Variants in SSBP2 observed in about 807,000 individuals in gnomAD.
The protein encoded by SSBP2 is single-stranded DNA-binding protein 2.
In SSBP2, 17 loss-of-function variants were observed where a neutral mutation model predicts 61.8. The ratio of observed to expected loss-of-function variants is 0.28; its 90% CI spans 0.19 to 0.41. SSBP2 has a LOEUF of 0.41. SSBP2 is among the 10% of genes least tolerant of loss of function. The pLI is 1.00. For synonymous variants in SSBP2, 139 were observed against 141.3 expected, an observed-to-expected ratio of 0.98 and a Z score of 0.12; for missense variants, 310 against 458.7, an observed-to-expected ratio of 0.68 and a Z score of 2.96.
upstream of SSBP2, chr5:81,751,270 C>A (rs1250040222): frequency 3.5e-6 from 2 of 577,830 alleles, no homozygotes; most frequent in Admixed American, 6.1e-5. Flanking sequence ...GCAGTCTCCT[C>A]CCTCCTTCCC....
chr5:81,426,925 A>T (rs1761989669), intron 16 of SSBP2, among the ~76,000 whole-genome samples: 1 of 152,228 alleles, frequency 6.6e-6, no homozygotes, highest in South Asian at 2.1e-4. Flanking sequence ...TGGCTTATAT[A>T]TACATTACAG....
intron 10 of SSBP2, among the ~76,000 whole-genome samples, chr5:81,452,911 A>G (rs558542972): frequency 6.6e-6 from 1 of 152,022 alleles, no homozygotes; most frequent in South Asian, 2.1e-4. Context: ...GGATTAAACT[A>G]GATTTTTGGT....
intron 2 of SSBP2, 128 bp downstream of exon 2, chr5:81,650,139 T>C: frequency 6.6e-6 from 4 of 606,998 alleles, no homozygotes; most frequent in Non-Finnish European, 1.1e-5. Context: ...AAAACTATAC[T>C]ATGTATACGG....
At chr5:81,476,025 T>G (rs973417270) in intron 6 of SSBP2, among the ~76,000 whole-genome samples, 2 of 152,120 alleles carry the variant, frequency 1.3e-5, no homozygotes, top group Non-Finnish European at 2.9e-5. Flanking sequence ...TGACTCGGAT[T>G]GCCAACTGTT....
chr5:81,609,512 T>A (rs115638865), intron 4 of SSBP2, among the ~76,000 whole-genome samples: 1,531 of 152,296 alleles, frequency 0.01, 20 homozygotes, highest in African/African-American at 0.034. Flanking sequence ...AGGGAGAAAT[T>A]TTTATAAATC....
At chr5:81,708,564 G>A (rs906172631) in intron 1 of SSBP2, among the ~76,000 whole-genome samples, 3 of 151,856 alleles carry the variant, frequency 2.0e-5, no homozygotes, top group Non-Finnish European at 2.9e-5. Flanking sequence ...AAATTGTTTC[G>A]TGTTTTCTTA....
chr5:81,579,983 T>A (rs550985541), intron 4 of SSBP2, among the ~76,000 whole-genome samples: 1 of 152,270 alleles, frequency 6.6e-6, no homozygotes, highest in East Asian at 1.9e-4. Context: ...TTGTACTTAA[T>A]TTGTTAAGGA....
At chr5:81,748,065 G>C (rs935553289) in intron 1 of SSBP2, among the ~76,000 whole-genome samples, 3 of 152,076 alleles carry the variant, frequency 2.0e-5, no homozygotes, top group African/African-American at 7.2e-5. Context: ...TTCATATAGT[G>C]ACTTCCTAAT....
chr5:81,604,996 A>G (rs1473426900), intron 4 of SSBP2, among the ~76,000 whole-genome samples: 1 of 152,172 alleles, frequency 6.6e-6, no homozygotes, highest in Non-Finnish European at 1.5e-5. Context: ...AAAGATGTCA[A>G]ATTTCACAAA....
chr5:81,442,738 T>A lies in SSBP2; in HGVS notation c.779-15A>T, dbSNP rs371668725. 86 of 1,397,220 alleles carry A rather than the reference T, an allele frequency of 6.2e-5. No individual in the cohort carries two copies. The highest frequency in any genetic ancestry group is 8.3e-5 in the Non-Finnish European group (84 of 1,007,092). 86.6% of individuals were successfully genotyped at this position (1,397,220 alleles called of 1,614,324 possible). A position where few individuals can be genotyped will look rare whatever the true frequency, so the allele number is the denominator to read the frequency against. The stretch of plus-strand genomic sequence containing the variant: ...GTTGGTTGAATCTGAAACAAAATAT[T>A]ACTTAATTAAAATATTTCTTTAGAG... On this transcript the variant is annotated splice_polypyrimidine_tract_variant and intron_variant, in intron 12 of 16. Coordinates refer to ENST00000320672, the MANE Select transcript of SSBP2 (RefSeq NM_012446.5).
chr5:81,709,755 C>T (rs1481562335), intron 1 of SSBP2, among the ~76,000 whole-genome samples: 1 of 151,618 alleles, frequency 6.6e-6, no homozygotes, highest in African/African-American at 2.4e-5. Context: ...TCTTTATAAA[C>T]CTTTATTTTG....
intron 9 of SSBP2, among the ~76,000 whole-genome samples, chr5:81,462,794 A>T (rs917117061): frequency 1.3e-5 from 2 of 152,180 alleles, no homozygotes. Flanking sequence ...ACTTGGGAAC[A>T]TTTATCTTAA....
intron 16 of SSBP2, 44 bp from the exon 17 acceptor site, chr5:81,420,577 G>A: frequency 1.3e-6 from 2 of 1,529,352 alleles, no homozygotes; most frequent in Non-Finnish European, 1.8e-6. Flanking sequence ...AATTCTTTTA[G>A]AGATCACTAA....
intron 2 of SSBP2, among the ~76,000 whole-genome samples, chr5:81,644,362 T>C (rs1257609756): frequency 1.3e-5 from 2 of 152,174 alleles, no homozygotes; most frequent in Admixed American, 1.3e-4. Flanking sequence ...TACTTGACTT[T>C]CTATGTAACA....
chr5:81,434,239 T>C (rs77253542), intron 15 of SSBP2, among the ~76,000 whole-genome samples: 2,776 of 152,312 alleles, frequency 0.018, 80 homozygotes, highest in African/African-American at 0.063. Flanking sequence ...GTAGTACTTA[T>C]ACACAACATT....
At chr5:81,594,328 C>G (rs1160911397) in intron 4 of SSBP2, among the ~76,000 whole-genome samples, 1 of 152,014 alleles carries the variant, frequency 6.6e-6, no homozygotes, top group African/African-American at 2.4e-5. Context: ...ACAGGAGCAC[C>G]CAGATTCATA....
intron 1 of SSBP2, among the ~76,000 whole-genome samples, chr5:81,712,728 G>T (rs1007524105): frequency 1.4e-5 from 2 of 142,252 alleles, no homozygotes; most frequent in Non-Finnish European, 3.1e-5. Flanking sequence ...TTGTTTCTTT[G>T]TTTTTTTTTT....
chr5:81,738,293 C>A (rs1053926899), intron 1 of SSBP2, among the ~76,000 whole-genome samples: 1 of 152,166 alleles, frequency 6.6e-6, no homozygotes, highest in Non-Finnish European at 1.5e-5. Flanking sequence ...GTGCACTTTT[C>A]TGTATGAATG....
intron 1 of SSBP2, among the ~76,000 whole-genome samples, chr5:81,677,503 G>A (rs1051130943): frequency 3.3e-5 from 5 of 152,124 alleles, no homozygotes; most frequent in East Asian, 1.9e-4. Flanking sequence ...GAGGCTCAGC[G>A]TGGACAAGTC....
Sources: allele counts gnomAD v4.1 joint callset (sites outside exome capture counted in the v4.1 genomes callset), GRCh38; gene constraint gnomAD v4.1.1; transcripts MANE v1.5; gene names NCBI Gene and HGNC (gene_info 2026-07-23, HGNC 2026-07-21).